Variants in HS3ST4 observed in about 807,000 individuals in gnomAD.
HS3ST4 encodes heparan sulfate glucosamine 3-O-sulfotransferase 4.
In HS3ST4, 17 loss-of-function variants were observed where a neutral mutation model predicts 29.2. The ratio of observed to expected loss-of-function variants is 0.58; its 90% CI spans 0.40 to 0.87. HS3ST4 has a LOEUF of 0.87. Among genes scored for constraint, HS3ST4 ranks in the 40% least tolerant of loss-of-function variants. The probability of loss-of-function intolerance (pLI) is 0.00; values close to 1 mark genes in which losing one functional copy is unlikely to be tolerated. For synonymous variants in HS3ST4, 314 were observed against 285.7 expected (o/e 1.10, Z -1.00); for missense variants, 627 against 634.5 (o/e 0.99, Z 0.13).
At chr16:26,061,950 C>G (rs1461897146) in intron 1 of HS3ST4, among the ~76,000 whole-genome samples, 1 of 152,146 alleles carries the variant, frequency 6.6e-6, no homozygotes, top group Non-Finnish European at 1.5e-5. Context: ...AAAATTCACC[C>G]TAGTTGGACT....
intron 1 of HS3ST4, among the ~76,000 whole-genome samples, chr16:25,809,019 T>C (rs557695516): frequency 6.6e-6 from 1 of 152,288 alleles, no homozygotes; most frequent in South Asian, 2.1e-4. Flanking sequence ...GAATCTATGT[T>C]ACAAGCATGT....
chr16:26,105,104 A>G (rs192354102), intron 1 of HS3ST4, among the ~76,000 whole-genome samples: 7 of 152,330 alleles, frequency 4.6e-5, no homozygotes, highest in Non-Finnish European at 1.0e-4. Flanking sequence ...CCAGGTGCCC[A>G]TCAGTGGTGG....
At chr16:26,012,899 T>A (rs1180678465) in intron 1 of HS3ST4, among the ~76,000 whole-genome samples, 2 of 152,222 alleles carry the variant, frequency 1.3e-5, no homozygotes, top group Non-Finnish European at 2.9e-5. Context: ...GCGCAGTGGC[T>A]CACGCCTGTA....
At chr16:25,788,135 C>A (rs8046887) in intron 1 of HS3ST4, among the ~76,000 whole-genome samples, 1 of 152,128 alleles carries the variant, frequency 6.6e-6, no homozygotes, top group East Asian at 1.9e-4. Flanking sequence ...GATGCCAGGC[C>A]GGTGCAGTGG....
chr16:25,871,087 G>T (rs2141659269), intron 1 of HS3ST4, among the ~76,000 whole-genome samples: 1 of 152,298 alleles, frequency 6.6e-6, no homozygotes, highest in East Asian at 1.9e-4. Context: ...GATCTTCCAA[G>T]ATGCAGAAGC....
At chr16:25,919,725 G>T (rs1436073034) in intron 1 of HS3ST4, among the ~76,000 whole-genome samples, 1 of 152,170 alleles carries the variant, frequency 6.6e-6, no homozygotes, top group Non-Finnish European at 1.5e-5. Context: ...CCAAAGACAA[G>T]ATAGTGTTTA....
rs1969199176 is a variant in HS3ST4, at chr16:25,999,970, A to T, written c.735-135642A>T. ...GGTTTAATGGTCTGTACTGCAATGT[A>T]TGAGTTTAGAATCCAAGAAATGTTT... On this transcript the variant is annotated intron_variant, in intron 1 of 1. Transcript: ENST00000331351. Among the ~76,000 whole-genome samples, 3 of 147,716 alleles carry T rather than the reference A, an allele frequency of 2.0e-5. No individual in the cohort carries two copies. In the South Asian group the frequency reaches 6.3e-4, roughly 31 times the overall value.
At chr16:25,810,001 C>T (rs1009994783) in intron 1 of HS3ST4, among the ~76,000 whole-genome samples, 1 of 151,872 alleles carries the variant, frequency 6.6e-6, no homozygotes, top group Non-Finnish European at 1.5e-5. Flanking sequence ...AGTGTTTCTT[C>T]TGCTTGCTTT....
rs142190022 is a variant in HS3ST4, at chr16:25,758,348, G to A, written c.734+65197G>A. Among the ~76,000 whole-genome samples, 383 of 152,274 alleles carry A rather than the reference G, an allele frequency of 2.5e-3. 2 individuals carry two copies. The highest frequency in any genetic ancestry group is 8.8e-3 in the African/African-American group (367 of 41,562). ...TCTCTCTGCCTAACAGATTGTTTCT[G>A]TTATCAATACCTGTGCTCAAATTGC... On this transcript the variant is annotated intron_variant, in intron 1 of 1. Coordinates refer to ENST00000331351, the MANE Select transcript of HS3ST4 (RefSeq NM_006040.3).
intron 1 of HS3ST4, among the ~76,000 whole-genome samples, chr16:25,853,119 A>G (rs1967538260): frequency 6.6e-6 from 1 of 152,160 alleles, no homozygotes; most frequent in Admixed American, 6.5e-5. Context: ...GTTAAATTCT[A>G]CCTTAGTATT....
intron 1 of HS3ST4, among the ~76,000 whole-genome samples, chr16:25,915,951 G>A (rs999279086): frequency 2.0e-5 from 3 of 152,328 alleles, no homozygotes; most frequent in African/African-American, 7.2e-5. Flanking sequence ...TTAGCTGGGT[G>A]CCTGGCATGT....
intron 1 of HS3ST4, among the ~76,000 whole-genome samples, chr16:25,817,786 T>G (rs1460731040): frequency 6.6e-6 from 1 of 152,256 alleles, no homozygotes; most frequent in Non-Finnish European, 1.5e-5. Context: ...ATTGCTTACA[T>G]TAGTAATTCA....
At chr16:25,796,632 G>C (rs906596028) in intron 1 of HS3ST4, among the ~76,000 whole-genome samples, 1 of 152,162 alleles carries the variant, frequency 6.6e-6, no homozygotes, top group African/African-American at 2.4e-5. Context: ...GGCTTTGCTC[G>C]GGAAGGAATT....
intron 1 of HS3ST4, among the ~76,000 whole-genome samples, chr16:26,118,343 G>A (rs1899226370): frequency 6.6e-6 from 1 of 152,158 alleles, no homozygotes. Flanking sequence ...GACTCCCAAA[G>A]TTCAAAGGGC....
chr16:25,896,401 T>G (rs1968065565), intron 1 of HS3ST4, among the ~76,000 whole-genome samples: 1 of 151,978 alleles, frequency 6.6e-6, no homozygotes, highest in Non-Finnish European at 1.5e-5. Context: ...GAAAAAATGG[T>G]CTTCATTATA....
At chr16:25,880,614 C>T (rs1967884546) in intron 1 of HS3ST4, among the ~76,000 whole-genome samples, 1 of 152,120 alleles carries the variant, frequency 6.6e-6, no homozygotes, top group Non-Finnish European at 1.5e-5. Flanking sequence ...ATTATAGGGC[C>T]ATTATTGGGC....
chr16:25,845,723 C>A (rs1037586609), intron 1 of HS3ST4, among the ~76,000 whole-genome samples: 3 of 151,394 alleles, frequency 2.0e-5, no homozygotes, highest in Non-Finnish European at 4.4e-5. Flanking sequence ...TATTGTATTT[C>A]TTTCTTTCAT....
chr16:25,778,735 GAGAAGGAGGAGA>G (rs977065115), intron 1 of HS3ST4, among the ~76,000 whole-genome samples: 9 of 151,812 alleles, frequency 5.9e-5, no homozygotes, highest in Non-Finnish European at 1.0e-4. Context: ...GGAGGAGAAG[GAGAAGGAGGAGA>G]AGAAGGAGGA....
chr16:25,902,466 A>G (rs1344620351), intron 1 of HS3ST4, among the ~76,000 whole-genome samples: 1 of 152,152 alleles, frequency 6.6e-6, no homozygotes, highest in African/African-American at 2.4e-5. Flanking sequence ...AGCCTGGGCA[A>G]CAGAGTGAGA....
Sources: allele counts gnomAD v4.1 joint callset (sites outside exome capture counted in the v4.1 genomes callset), GRCh38; gene constraint gnomAD v4.1.1; transcripts MANE v1.5; gene names NCBI Gene and HGNC (gene_info 2026-07-23, HGNC 2026-07-21).